CD38: variants seen among roughly 807,000 people sequenced by gnomAD.
CD38 encodes ADP-ribosyl cyclase/cyclic ADP-ribose hydrolase 1.
CD38 carries 31 observed loss-of-function variants against 36.3 expected under a neutral mutation model. The observed-to-expected ratio is 0.85, with a 90% CI of 0.64 to 1.15. CD38 has a LOEUF of 1.15. CD38 is among the 50% of genes most tolerant of loss of function. The pLI is 0.00. For missense variants in CD38, 380 were observed against 371.9 expected (o/e 1.02, Z -0.18); for synonymous variants, 131 against 135.2 (o/e 0.97, Z 0.22).
chr4:15,840,251 G>T, intron 6 of CD38, 133 bp downstream of exon 6: 1 of 748,108 alleles, frequency 1.3e-6, no homozygotes, highest in Non-Finnish European at 2.3e-6. Flanking sequence ...AATCCCAACA[G>T]CCTCTTAACT....
intron 1 of CD38, among the ~76,000 whole-genome samples, chr4:15,797,639 TA>T (rs1474936306): frequency 6.6e-6 from 1 of 152,156 alleles, no homozygotes; most frequent in Non-Finnish European, 1.5e-5. Context: ...GCTGGAAGTC[TA>T]AAATCAAGGT....
chr4:15,819,101 C>T (rs1329126834), intron 2 of CD38, among the ~76,000 whole-genome samples: 3 of 147,102 alleles, frequency 2.0e-5, no homozygotes, highest in African/African-American at 7.3e-5. Context: ...AAACCAAACA[C>T]CACATGTTCT....
chr4:15,780,532 A>ACACACACACACACACACG (rs1722670991), intron 1 of CD38, among the ~76,000 whole-genome samples: 1 of 145,632 alleles, frequency 6.9e-6, no homozygotes, highest in African/African-American at 2.6e-5. Flanking sequence ...ACACACACAC[A>ACACACACACACACACACG]CACACACACA....
chr4:15,790,891 G>A (rs1461068862), intron 1 of CD38, among the ~76,000 whole-genome samples: 4 of 149,106 alleles, frequency 2.7e-5, no homozygotes, highest in Admixed American at 1.3e-4. Context: ...GGTGAGGAGT[G>A]TCTCTGCCCG....
chr4:15,804,131 T>A (rs945702736), intron 1 of CD38, among the ~76,000 whole-genome samples: 5 of 151,980 alleles, frequency 3.3e-5, no homozygotes, highest in African/African-American at 1.2e-4. Flanking sequence ...AGTGCATGTC[T>A]TTTTTTTGGT....
intron 2 of CD38, 147 bp from the exon 3 acceptor site, chr4:15,824,734 C>A: frequency 1.5e-6 from 1 of 677,184 alleles, no homozygotes; most frequent in Non-Finnish European, 2.6e-6. Flanking sequence ...ACACAGAAAT[C>A]ATTGATGCTT....
intron 2 of CD38, among the ~76,000 whole-genome samples, chr4:15,820,324 G>A (rs1487379165): frequency 1.3e-5 from 2 of 152,138 alleles, no homozygotes; most frequent in Non-Finnish European, 2.9e-5. Context: ...ATGATAACTG[G>A]ATCAAATTCA....
rs567769434 is a variant in CD38, at chr4:15,783,124, C to T, written c.233+4477C>T. ...CTTCTGACCAAGATGTCTCTGGGCA[C>T]ATGAGACCTGAAATACACATGGCCA... is the stretch of plus-strand genomic sequence containing the variant. On this transcript the variant is annotated intron_variant, in intron 1 of 7. Transcript: ENST00000226279. Among the ~76,000 whole-genome samples, 7 of 152,270 alleles carry T rather than the reference C, an allele frequency of 4.6e-5. No individual in the cohort carries two copies. The East Asian group carries it at 1.2e-3, about 25-fold the overall frequency.
Position 15,778,594 on chromosome 4 carries a change from C to G in CD38, c.180C>G (p.Pro60=). ...GTCCGGGCACCACCAAGCGCTTTCC[C>G]GAGACCGTCCTGGCGCGATGCGTCA... The part of the protein sequence containing the change: ...WSGPGTTKRF[P]ETVLARCVKY... The change falls in exon 1 of 8, where the codon CCC becomes CCG. Residue 60 remains proline (P), a synonymous_variant. Transcript: ENST00000226279. This position sits in a 1 kb window ranked among gnomAD's most constrained non-coding sequence, Gnocchi z 4.9. 1.9e-6 allele frequency: 3 copies of G among 1,613,730 alleles called. No homozygotes were observed. The highest frequency in any genetic ancestry group is 1.6e-4 in the Middle Eastern group (1 of 6,062).
At chr4:15,805,784 T>C (rs1277758296) in intron 1 of CD38, among the ~76,000 whole-genome samples, 1 of 152,230 alleles carries the variant, frequency 6.6e-6, no homozygotes. Flanking sequence ...CACCAGTCAC[T>C]CACTTCTCCC....
intron 1 of CD38, among the ~76,000 whole-genome samples, chr4:15,805,454 A>G (rs538520551): frequency 6.6e-6 from 1 of 152,136 alleles, no homozygotes; most frequent in East Asian, 1.9e-4. Context: ...CTCACTCTTG[A>G]CATTCATTCT....
intron 1 of CD38, among the ~76,000 whole-genome samples, chr4:15,779,369 C>A (rs1722636354): frequency 6.6e-6 from 1 of 152,174 alleles, no homozygotes; most frequent in African/African-American, 2.4e-5. Flanking sequence ...GTCTATGGGA[C>A]CTTCCAGTTT....
chr4:15,849,152 C>T lies in CD38; in HGVS notation c.*550C>T, dbSNP rs911051748. The T allele has an allele frequency of 6.6e-6, 1 of 152,160 alleles. No homozygotes were observed. Among genetic ancestry groups the T allele is most frequent in the Non-Finnish European group, 1.5e-5 (1 of 68,054 alleles). 9.4% of individuals were successfully genotyped at this position (152,160 alleles called of 1,614,324 possible). A position where few individuals can be genotyped will look rare whatever the true frequency, so the allele number is the denominator to read the frequency against. On this transcript the variant is annotated 3_prime_UTR_variant, in exon 8 of 8. Coordinates refer to ENST00000226279, the MANE Select transcript of CD38 (RefSeq NM_001775.4). ...ACTTGGTGCTTTACCCCAACCCTTC[C>T]AACAGTGCTGTGAGGTTGGTATTAT...
intron 1 of CD38, among the ~76,000 whole-genome samples, chr4:15,786,760 G>A (rs1244912979): frequency 6.6e-6 from 1 of 152,254 alleles, no homozygotes; most frequent in Non-Finnish European, 1.5e-5. Flanking sequence ...GACGGTGGAT[G>A]GGACGCCAGG....
intron 2 of CD38, 64 bp from the exon 3 acceptor site, chr4:15,824,817 T>C: frequency 7.6e-7 from 1 of 1,318,762 alleles, no homozygotes; most frequent in Non-Finnish European, 1.1e-6. Flanking sequence ...TACAAAACTG[T>C]GGATTAATTT....
intron 1 of CD38, among the ~76,000 whole-genome samples, chr4:15,779,865 A>G (rs1240375506): frequency 2.0e-5 from 3 of 151,926 alleles, no homozygotes; most frequent in African/African-American, 7.3e-5. Flanking sequence ...GATCTATCTC[A>G]TTTCTTTTGA....
intron 3 of CD38, among the ~76,000 whole-genome samples, chr4:15,832,774 G>A (rs1723985773): frequency 6.6e-6 from 1 of 152,132 alleles, no homozygotes; most frequent in Admixed American, 6.5e-5. Flanking sequence ...ACAATCAGTA[G>A]GTGAGAAAGC....
intron 1 of CD38, among the ~76,000 whole-genome samples, chr4:15,795,365 T>C (rs1723084834): frequency 6.6e-6 from 1 of 152,058 alleles, no homozygotes; most frequent in Admixed American, 6.6e-5. Flanking sequence ...ACTCTGGAAA[T>C]AGAGGATAAG....
At chr4:15,839,907 T>A (rs1245771421) in intron 5 of CD38, 119 bp from the exon 6 acceptor site, 2 of 712,208 alleles carry the variant, frequency 2.8e-6, no homozygotes, top group Non-Finnish European at 5.1e-6. Context: ...TGCAATTTGA[T>A]GTGTCAACTC....
Sources: allele counts gnomAD v4.1 joint callset (sites outside exome capture counted in the v4.1 genomes callset), GRCh38; gene constraint gnomAD v4.1.1; non-coding constraint Gnocchi (gnomAD v3.1); transcripts MANE v1.5; gene names NCBI Gene and HGNC (gene_info 2026-07-23, HGNC 2026-07-21).